The following BTC variants were observed in gnomAD, a reference collection of about 807,000 sequenced individuals.
The protein encoded by BTC is probetacellulin.
BTC carries 13 observed loss-of-function variants against 18.1 expected under a neutral mutation model. The observed-to-expected ratio is 0.72, with a 90% CI of 0.47 to 1.14. The LOEUF is 1.14. Ranked by LOEUF, BTC falls within the 50% of genes most tolerant of loss-of-function variation. The probability of loss-of-function intolerance (pLI) is 0.00; values close to 1 mark genes in which losing one functional copy is unlikely to be tolerated. For missense variants in BTC, 247 were observed against 224.2 expected, an observed-to-expected ratio of 1.10 and a Z score of -0.65; for synonymous variants, 83 against 79.4, an observed-to-expected ratio of 1.05 and a Z score of -0.24.
intron 1 of BTC, among the ~76,000 whole-genome samples, chr4:74,789,239 T>A (rs1725559565): frequency 6.6e-6 from 1 of 152,236 alleles, no homozygotes; most frequent in South Asian, 2.1e-4. Context: ...GGCAAATTCC[T>A]GCCCTATTTT....
chr4:74,762,048 T>C (rs560981953), intron 2 of BTC, among the ~76,000 whole-genome samples: 1 of 152,344 alleles, frequency 6.6e-6, no homozygotes, highest in South Asian at 2.1e-4. Context: ...TGCTCATAAA[T>C]ATTAGTAAGA....
chr4:74,775,815 T>C (rs1445246694), intron 1 of BTC, among the ~76,000 whole-genome samples: 1 of 152,238 alleles, frequency 6.6e-6, no homozygotes, highest in East Asian at 1.9e-4. Flanking sequence ...CTCATATATT[T>C]GAAGCCAGCT....
At chr4:74,790,167 A>AGCC (rs1292234760) in intron 1 of BTC, among the ~76,000 whole-genome samples, 1 of 152,180 alleles carries the variant, frequency 6.6e-6, no homozygotes, top group African/African-American at 2.4e-5. Context: ...TAATTAGTAG[A>AGCC]GCCTGATGAC....
intron 1 of BTC, among the ~76,000 whole-genome samples, chr4:74,786,116 G>A (rs1016868686): frequency 5.9e-5 from 9 of 152,310 alleles, no homozygotes; most frequent in Admixed American, 2.0e-4. Context: ...GTAACATCCT[G>A]TGTCTGTCAC....
chr4:74,746,853 G>A (rs1404620791), intron 5 of BTC, among the ~76,000 whole-genome samples, 178 bp from the exon 6 acceptor site: 2 of 152,150 alleles, frequency 1.3e-5, no homozygotes, highest in African/African-American at 2.4e-5. Context: ...TTAAGCTGCT[G>A]GGATTTTCTG....
chr4:74,763,993 A>G (rs1300870267), intron 2 of BTC, among the ~76,000 whole-genome samples: 1 of 151,236 alleles, frequency 6.6e-6, no homozygotes, highest in East Asian at 1.9e-4. Flanking sequence ...TATTGTGTTA[A>G]TTAAAAATAA....
chr4:74,757,246 C>T (rs1724625629), intron 2 of BTC, among the ~76,000 whole-genome samples: 1 of 151,926 alleles, frequency 6.6e-6, no homozygotes, highest in Non-Finnish European at 1.5e-5. Flanking sequence ...CATATAATTG[C>T]CCCAGGCCAC....
At chr4:74,754,509 G>A (rs566454659) in intron 3 of BTC, among the ~76,000 whole-genome samples, 53 of 152,158 alleles carry the variant, frequency 3.5e-4, no homozygotes, top group Non-Finnish European at 6.9e-4. Flanking sequence ...CAGTGAAGGG[G>A]TCCACAAGGA....
At chr4:74,762,102 C>T (rs1334531699) in intron 2 of BTC, among the ~76,000 whole-genome samples, 3 of 152,198 alleles carry the variant, frequency 2.0e-5, no homozygotes, top group East Asian at 1.9e-4. Flanking sequence ...ACAGTCAGTA[C>T]ATAAGATCTG....
At chr4:74,767,150 A>T (rs1490848381) in intron 2 of BTC, among the ~76,000 whole-genome samples, 1 of 151,292 alleles carries the variant, frequency 6.6e-6, no homozygotes, top group Non-Finnish European at 1.5e-5. Context: ...TGAAGATGAC[A>T]TGATCCTATA....
chr4:74,774,681 T>A (rs1725131138), intron 1 of BTC, among the ~76,000 whole-genome samples: 1 of 149,224 alleles, frequency 6.7e-6, no homozygotes, highest in South Asian at 2.1e-4. Context: ...CCTGCTTGTT[T>A]GGAGGGTGGG....
At chr4:74,788,701 C>T (rs183048086) in intron 1 of BTC, among the ~76,000 whole-genome samples, 1 of 152,154 alleles carries the variant, frequency 6.6e-6, no homozygotes, top group African/African-American at 2.4e-5. Context: ...CATCAACCTG[C>T]CAAGCACCGT....
chr4:74,746,809 CAT>C (rs777328334), intron 5 of BTC, 134 bp from the exon 6 acceptor site: 3 of 152,230 alleles, frequency 2.0e-5, no homozygotes, highest in Non-Finnish European at 4.4e-5. Flanking sequence ...GTTAGGAGCA[CAT>C]ATAATTTCTC....
intron 2 of BTC, among the ~76,000 whole-genome samples, chr4:74,764,543 C>A (rs900865059): frequency 2.6e-5 from 4 of 152,148 alleles, no homozygotes; most frequent in African/African-American, 7.2e-5. Flanking sequence ...ACATAAAAAA[C>A]CACATCTATT....
intron 2 of BTC, among the ~76,000 whole-genome samples, chr4:74,769,601 AAATATGTAAAATCCTTGC>A (rs1724987692): frequency 6.6e-6 from 1 of 152,180 alleles, no homozygotes; most frequent in Non-Finnish European, 1.5e-5. Context: ...CTCCAAGGTA[AAATATGTAAAATCCTTGC>A]CTTCTTCCCT....
intron 1 of BTC, among the ~76,000 whole-genome samples, chr4:74,780,710 A>G (rs1262986140): frequency 6.6e-6 from 1 of 152,138 alleles, no homozygotes; most frequent in Admixed American, 6.6e-5. Flanking sequence ...CTTTAATGCA[A>G]AAACTAAGCC....
intron 1 of BTC, among the ~76,000 whole-genome samples, chr4:74,786,884 T>C (rs1725491513): frequency 6.6e-6 from 1 of 152,112 alleles, no homozygotes; most frequent in African/African-American, 2.4e-5. Context: ...CAGCAGCAAG[T>C]CCCATATAAT....
intron 1 of BTC, among the ~76,000 whole-genome samples, chr4:74,776,896 A>G (rs574480625): frequency 2.0e-5 from 3 of 152,168 alleles, no homozygotes; most frequent in Non-Finnish European, 4.4e-5. Flanking sequence ...CCAAACTTCT[A>G]CTTATGTATA....
At chr4:74,757,824 G>T (rs1004421620) in intron 2 of BTC, among the ~76,000 whole-genome samples, 5 of 152,152 alleles carry the variant, frequency 3.3e-5, no homozygotes, top group Non-Finnish European at 5.9e-5. Context: ...GTCTGGGCAA[G>T]CTGATTAGGC....
Sources: allele counts gnomAD v4.1 joint callset (sites outside exome capture counted in the v4.1 genomes callset), GRCh38; gene constraint gnomAD v4.1.1; transcripts MANE v1.5; gene names NCBI Gene and HGNC (gene_info 2026-07-23, HGNC 2026-07-21).